MED23: variants seen among roughly 807,000 people sequenced by gnomAD.
The protein encoded by MED23 is mediator complex subunit 23.
MED23 carries 105 observed loss-of-function variants against 163.9 expected under a neutral mutation model. The observed-to-expected ratio is 0.64, with a 90% confidence interval of 0.55 to 0.75. The LOEUF is 0.75. MED23 is among the 30% of genes least tolerant of loss of function. MED23 has a pLI of 0.00. For synonymous variants in MED23, 561 were observed against 565.6 expected (o/e 0.99, Z 0.12); for missense variants, 1,054 against 1,649.0 (o/e 0.64, Z 6.25).
At chr6:131,602,624 T>G (rs1052332566) in intron 16 of MED23, among the ~76,000 whole-genome samples, 4 of 152,136 alleles carry the variant, frequency 2.6e-5, no homozygotes, top group African/African-American at 4.8e-5. Context: ...GACTAAAAAA[T>G]TTCACCTGGA....
At chr6:131,625,111 G>A in intron 3 of MED23, 122 bp from the exon 4 acceptor site, 2 of 1,101,746 alleles carry the variant, frequency 1.8e-6, no homozygotes, top group Non-Finnish European at 1.3e-6. Flanking sequence ...GAGCATCTGT[G>A]GATGAAAATA....
chr6:131,579,857 TGAGAGA>T (rs142346886), intron 30 of MED23, among the ~76,000 whole-genome samples: 2 of 149,118 alleles, frequency 1.3e-5, no homozygotes, highest in Non-Finnish European at 1.5e-5. Context: ...TGTGTGTGTG[TGAGAGA>T]GAGAGAGAGA....
chr6:131,610,955 A>C (rs532199719), intron 10 of MED23, among the ~76,000 whole-genome samples: 25 of 152,346 alleles, frequency 1.6e-4, no homozygotes, highest in Admixed American at 3.3e-4. Flanking sequence ...TTTAAACACT[A>C]AAAATGAGAA....
chr6:131,583,504 C>A (rs1774045707), downstream of MED23: 2 of 1,613,868 alleles, frequency 1.2e-6, no homozygotes, highest in Non-Finnish European at 1.7e-6. Context: ...AGTTAACAAT[C>A]TGAGGTAATA....
intron 11 of MED23, among the ~76,000 whole-genome samples, chr6:131,609,474 G>C (rs1053814864): frequency 6.9e-6 from 1 of 144,552 alleles, no homozygotes; most frequent in African/African-American, 2.5e-5. Context: ...CTTTGATACA[G>C]CCATCCCTGA....
chr6:131,589,705 C>T (rs1378640296), intron 27 of MED23, 109 bp from the exon 28 acceptor site: 1 of 982,016 alleles, frequency 1.0e-6, no homozygotes, highest in Non-Finnish European at 1.6e-6. Context: ...ACTGTCTTTG[C>T]TGTAGAACTG....
At chr6:131,616,519 T>G (rs1776700985) in intron 9 of MED23, among the ~76,000 whole-genome samples, 1 of 152,096 alleles carries the variant, frequency 6.6e-6, no homozygotes, top group Admixed American at 6.6e-5. Flanking sequence ...CAAATTCAGT[T>G]TATAATAAAT....
intron 17 of MED23, among the ~76,000 whole-genome samples, chr6:131,600,600 A>C (rs77135894): frequency 0.055 from 8,311 of 152,294 alleles, 805 homozygotes; most frequent in African/African-American, 0.19. Context: ...TGTAAAACAA[A>C]ATAATTTACA....
chr6:131,606,619 G>T lies in MED23; in HGVS notation c.1227C>A (p.Ile409=). 6.2e-7 allele frequency: 1 copy of T among 1,608,122 alleles called. No individual in the cohort carries two copies. Among genetic ancestry groups the T allele is most frequent in the Non-Finnish European group, 8.5e-7 (1 of 1,174,930 alleles). The change falls in exon 13 of 29, where the codon ATC becomes ATA. Residue 409 remains isoleucine, a synonymous_variant. Coordinates refer to ENST00000368068, the MANE Select transcript of MED23 (RefSeq NM_004830.4). ...GGGGTTTGTTAATATCAGGAACTGG[G>T]ATATACTGAAAAATAACAATTTGAA... ...FDLLYPEKEY[I]PVPDINKPQS...
At chr6:131,589,303 T>C (rs1363798546) in intron 28 of MED23, among the ~76,000 whole-genome samples, 162 bp downstream of exon 28, 2 of 152,170 alleles carry the variant, frequency 1.3e-5, no homozygotes, top group Non-Finnish European at 2.9e-5. Context: ...TCTAGAATAA[T>C]ATGCCTCTGA....
At chr6:131,586,075 A>G (rs1263922677), downstream of MED23, among the ~76,000 whole-genome samples, 1 of 152,218 alleles carries the variant, frequency 6.6e-6, no homozygotes, top group Non-Finnish European at 1.5e-5. Context: ...AATAATCTCT[A>G]GCATGTTTTC....
intron 10 of MED23, among the ~76,000 whole-genome samples, chr6:131,612,145 G>A (rs1284741179): frequency 6.6e-6 from 1 of 151,918 alleles, no homozygotes. Flanking sequence ...TAATGCTCCG[G>A]TACCTGATGG....
chr6:131,620,244 AT>A (rs1203475535), intron 7 of MED23, among the ~76,000 whole-genome samples: 1 of 152,244 alleles, frequency 6.6e-6, no homozygotes, highest in Admixed American at 6.5e-5. Context: ...CATTAAAAAA[AT>A]AAGCACACAA....
exon 31 of MED23, chr6:131,574,025 C>G: frequency 3.9e-6 from 2 of 512,522 alleles, no homozygotes; most frequent in South Asian, 5.0e-5. Context: ...CTTACAGCCA[C>G]GAGCTGTGAA....
At chr6:131,576,587 T>G (rs1773622837) in intron 30 of MED23, 22 of 1,376,246 alleles carry the variant, frequency 1.6e-5, no homozygotes, top group African/African-American at 1.6e-4. Flanking sequence ...ACTGATTAAA[T>G]AATGAAAAGG....
intron 10 of MED23, chr6:131,615,373 A>G: frequency 6.2e-7 from 1 of 1,605,894 alleles, no homozygotes; most frequent in South Asian, 1.1e-5. Context: ...AGGACAAGAC[A>G]GGACAGAACA....
rs768697354 is a variant in MED23, at chr6:131,618,405, A to T, written c.780+2T>A. Reference sequence around the variant, plus strand: ...AAAGTGCCATTATATTTAGCAACATACCTTATCATATGGCAAAAGGCCTTT... The same window carrying T: ...AAAGTGCCATTATATTTAGCAACATTCCTTATCATATGGCAAAAGGCCTTT... On this transcript the variant is annotated splice_donor_variant, in intron 9 of 28. Transcript: ENST00000368068. LOFTEE classifies it high-confidence loss of function. 6.2e-7 allele frequency: 1 copy of T among 1,601,560 alleles called. No individual in the cohort carries two copies. The highest frequency in any genetic ancestry group is 8.6e-7 in the Non-Finnish European group (1 of 1,168,728).
At chr6:131,610,457 T>TACAAAACAGACTTCCC (rs1400277486) in intron 10 of MED23, among the ~76,000 whole-genome samples, 1 of 152,206 alleles carries the variant, frequency 6.6e-6, no homozygotes, top group Non-Finnish European at 1.5e-5. Flanking sequence ...TCAGGTTTCC[T>TACAAAACAGACTTCCC]ACAAAACAGA....
Position 131,604,169 on chromosome 6 carries a change from CTG to C in MED23, c.1756+7_1756+8del. 6.2e-7 allele frequency: 1 copy of C among 1,612,710 alleles called. No individual in the cohort carries two copies. Among genetic ancestry groups the C allele is most frequent in the Non-Finnish European group, 8.5e-7 (1 of 1,179,024 alleles). Reference sequence around the variant, plus strand: ...TAATAGTTATAAACACCAGAAAGTCCTGTCTTACTGATAAATCCTTTGATGCC... The same window carrying C: ...TAATAGTTATAAACACCAGAAAGTCCTCTTACTGATAAATCCTTTGATGCC... On this transcript the variant is annotated splice_region_variant and intron_variant, in intron 15 of 28. Transcript: ENST00000368068.
Sources: allele counts gnomAD v4.1 joint callset (sites outside exome capture counted in the v4.1 genomes callset), GRCh38; gene constraint gnomAD v4.1.1; transcripts MANE v1.5; gene names NCBI Gene and HGNC (gene_info 2026-07-23, HGNC 2026-07-21).